DISC1: variants seen among roughly 807,000 people sequenced by gnomAD.
DISC1 encodes DISC1 scaffold protein, also known as disrupted in schizophrenia 1 protein.
A neutral mutation model predicts 84.5 loss-of-function variants in DISC1; 57 were observed. That is an observed-to-expected ratio of 0.67 (90% CI 0.55 to 0.84). The LOEUF (loss-of-function observed/expected upper bound fraction) is 0.84. Among genes scored for constraint, DISC1 ranks in the 40% least tolerant of loss-of-function variants. DISC1 has a pLI of 0.00. For missense variants in DISC1, 1,000 were observed against 1,057.8 expected (o/e 0.95, Z 0.76); for synonymous variants, 411 against 415.2 (o/e 0.99, Z 0.12).
intron 1 of DISC1, among the ~76,000 whole-genome samples, chr1:231,655,546 C>T (rs1045474191): frequency 2.6e-5 from 4 of 152,140 alleles, no homozygotes; most frequent in Admixed American, 1.3e-4. Flanking sequence ...GTGAATTGTG[C>T]TGTGATAATC....
At chr1:231,756,479 T>G (rs2075130809) in intron 4 of DISC1, among the ~76,000 whole-genome samples, 1 of 151,746 alleles carries the variant, frequency 6.6e-6, no homozygotes, top group East Asian at 1.9e-4. Context: ...TATGCATATG[T>G]AGCTATATAT....
intron 9 of DISC1, among the ~76,000 whole-genome samples, chr1:231,941,906 A>T (rs946605676): frequency 2.6e-5 from 4 of 152,236 alleles, no homozygotes; most frequent in African/African-American, 7.2e-5. Context: ...CTGTAGGGGA[A>T]AGTGCCCTCA....
chr1:231,944,630 C>A (rs1283392316), intron 9 of DISC1, among the ~76,000 whole-genome samples: 1 of 152,124 alleles, frequency 6.6e-6, no homozygotes, highest in South Asian at 2.1e-4. Context: ...GAAGCCCACC[C>A]ACCACAGTCC....
At chr1:231,756,453 G>A (rs2075127146) in intron 4 of DISC1, among the ~76,000 whole-genome samples, 1 of 151,938 alleles carries the variant, frequency 6.6e-6, no homozygotes, top group Non-Finnish European at 1.5e-5. Context: ...TTCATTGAAT[G>A]TGTGAATGTG....
At chr1:231,889,439 C>T (rs2087037099) in intron 9 of DISC1, among the ~76,000 whole-genome samples, 1 of 152,190 alleles carries the variant, frequency 6.6e-6, no homozygotes, top group Non-Finnish European at 1.5e-5. Context: ...GTATCATTTT[C>T]CAATCATCGC....
intron 1 of DISC1, among the ~76,000 whole-genome samples, chr1:231,679,020 C>T (rs1203087064): frequency 2.0e-5 from 3 of 152,132 alleles, no homozygotes; most frequent in East Asian, 3.8e-4. Context: ...TGGGATGCTG[C>T]CATTTGTTTT....
chr1:232,025,671 A>G (rs1043770572), intron 11 of DISC1, among the ~76,000 whole-genome samples: 2 of 146,518 alleles, frequency 1.4e-5, no homozygotes, highest in Admixed American at 1.4e-4. Context: ...ATCTCGGCTC[A>G]CTGCAAGCTC....
intron 10 of DISC1, among the ~76,000 whole-genome samples, chr1:231,990,361 G>A (rs200241203): frequency 5.5e-4 from 83 of 151,948 alleles, no homozygotes; most frequent in Non-Finnish European, 9.1e-4. Context: ...ATCTCCTTCC[G>A]GCCAAGAGTC....
chr1:231,799,245 G>C (rs147862476), intron 7 of DISC1, among the ~76,000 whole-genome samples: 41 of 152,214 alleles, frequency 2.7e-4, no homozygotes, highest in African/African-American at 8.7e-4. Flanking sequence ...AGAGTTACTT[G>C]TCTATTTTTC....
chr1:231,844,945 A>G (rs553067203), intron 9 of DISC1, among the ~76,000 whole-genome samples: 84 of 151,686 alleles, frequency 5.5e-4, no homozygotes, highest in African/African-American at 2.0e-3. Flanking sequence ...AAAAAAAAGA[A>G]AAAAAAGAAA....
At chr1:231,712,537 T>C (rs887409821) in intron 3 of DISC1, among the ~76,000 whole-genome samples, 1 of 152,126 alleles carries the variant, frequency 6.6e-6, no homozygotes, top group African/African-American at 2.4e-5. Flanking sequence ...TTGAAAATGG[T>C]GGGAAACTTT....
intron 3 of DISC1, among the ~76,000 whole-genome samples, chr1:231,717,979 C>T (rs2069000602): frequency 6.6e-6 from 1 of 152,180 alleles, no homozygotes; most frequent in Non-Finnish European, 1.5e-5. Flanking sequence ...CAGCCCAGCT[C>T]CTCTTGCCAT....
chr1:231,829,814 G>T (rs539664759), intron 9 of DISC1, among the ~76,000 whole-genome samples: 1 of 150,546 alleles, frequency 6.6e-6, no homozygotes, highest in Non-Finnish European at 1.5e-5. Context: ...TAAGATTTGG[G>T]TAGGTAAAGG....
intron 10 of DISC1, among the ~76,000 whole-genome samples, chr1:231,970,585 A>G (rs1398513768): frequency 6.6e-6 from 1 of 152,200 alleles, no homozygotes; most frequent in Non-Finnish European, 1.5e-5. Flanking sequence ...TTTCTTTGCC[A>G]TTGATAATTC....
intron 9 of DISC1, among the ~76,000 whole-genome samples, chr1:231,882,864 A>G (rs905224229): frequency 2.0e-5 from 3 of 152,002 alleles, no homozygotes; most frequent in African/African-American, 7.2e-5. Context: ...GTGCATAATG[A>G]TGGGCCTGTA....
chr1:231,690,699 C>A (rs2064894116), intron 1 of DISC1, among the ~76,000 whole-genome samples: 1 of 152,118 alleles, frequency 6.6e-6, no homozygotes, highest in Non-Finnish European at 1.5e-5. Context: ...GAAAAAATGG[C>A]CTTTCGTTAT....
At chr1:231,629,938 A>G (rs1663025303) in intron 1 of DISC1, among the ~76,000 whole-genome samples, 1 of 152,094 alleles carries the variant, frequency 6.6e-6, no homozygotes, top group Non-Finnish European at 1.5e-5. Context: ...TTTAAACAAT[A>G]TATATATTTT....
At chr1:231,922,258 A>G (rs1305066133) in intron 9 of DISC1, among the ~76,000 whole-genome samples, 1 of 152,232 alleles carries the variant, frequency 6.6e-6, no homozygotes, top group African/African-American at 2.4e-5. Flanking sequence ...CTAGCATCTG[A>G]CAGACATGCA....
intron 9 of DISC1, among the ~76,000 whole-genome samples, chr1:231,854,279 T>G (rs1265059534): frequency 1.3e-5 from 2 of 152,180 alleles, no homozygotes; most frequent in Non-Finnish European, 2.9e-5. Flanking sequence ...GAAATCCTAT[T>G]CTAGTCATTC....
Sources: allele counts gnomAD v4.1 joint callset (sites outside exome capture counted in the v4.1 genomes callset), GRCh38; gene constraint gnomAD v4.1.1; transcripts MANE v1.5; gene names NCBI Gene and HGNC (gene_info 2026-07-23, HGNC 2026-07-21).